TENM3: variants seen among roughly 807,000 people sequenced by gnomAD.
TENM3 encodes teneurin-3.
In TENM3, 63 loss-of-function variants were observed where a neutral mutation model predicts 255.1. The ratio of observed to expected loss-of-function variants is 0.25; its 90% CI spans 0.20 to 0.30. TENM3 has a LOEUF of 0.30. Among genes scored for constraint, TENM3 ranks in the 10% least tolerant of loss-of-function variants. The pLI, the probability that TENM3 is intolerant of heterozygous loss-of-function variation, is 1.00. For synonymous variants in TENM3, 1,306 were observed against 1,322.3 expected (o/e 0.99, Z 0.27); for missense variants, 2,929 against 3,461.1 (o/e 0.85, Z 3.86).
rs116483614 is a variant in TENM3 at position 182,550,395 on chromosome 4, A to G, written c.512-50529A>G. 2.7e-3 allele frequency among the ~76,000 whole-genome samples: 416 copies of G among 152,308 alleles called. 1 individual carries two copies. The highest frequency in any genetic ancestry group is 9.5e-3 in the African/African-American group (396 of 41,572). ...TTCACTGTATATCTCTCTGTTTACT[A>G]AGACTTAACACTAGGGTCACAGATC... On this transcript the variant is annotated intron_variant, in intron 3 of 27. Transcript: ENST00000511685.
At chr4:182,009,280 G>A in the TENM3 span, among the ~76,000 whole-genome samples, 5 of 152,162 alleles carry the variant, frequency 3.3e-5, no homozygotes, top group African/African-American at 7.2e-5. Flanking sequence ...AGTGTGTTTC[G>A]CTGGAGGGAA....
the TENM3 span, among the ~76,000 whole-genome samples, chr4:181,486,439 A>G: frequency 6.6e-6 from 1 of 152,236 alleles, no homozygotes; most frequent in East Asian, 1.9e-4. Flanking sequence ...AGCTGTGAAG[A>G]ATATGGCTCA....
At chr4:182,065,331 G>A in the TENM3 span, among the ~76,000 whole-genome samples, 5 of 152,174 alleles carry the variant, frequency 3.3e-5, no homozygotes, top group South Asian at 4.2e-4. Context: ...CACCAAGCCC[G>A]GCAAAACCGG....
chr4:182,413,738 A>G (rs1327719491), intron 3 of TENM3, among the ~76,000 whole-genome samples: 1 of 152,230 alleles, frequency 6.6e-6, no homozygotes, highest in Non-Finnish European at 1.5e-5. Context: ...ATAAGTGCCA[A>G]CCTAGATTTC....
chr4:181,808,934 G>A, the TENM3 span, among the ~76,000 whole-genome samples: 2 of 152,148 alleles, frequency 1.3e-5, no homozygotes, highest in Admixed American at 1.3e-4. Context: ...TTAACAATTG[G>A]ACAAGGAAGT....
chr4:181,904,999 C>T, the TENM3 span, among the ~76,000 whole-genome samples: 4 of 152,186 alleles, frequency 2.6e-5, no homozygotes, highest in Admixed American at 2.6e-4. Flanking sequence ...CTTGCTCCTC[C>T]CTTACCTTCT....
chr4:182,221,578 A>C (rs1388508289), intron 1 of TENM3, among the ~76,000 whole-genome samples: 1 of 152,226 alleles, frequency 6.6e-6, no homozygotes, highest in Non-Finnish European at 1.5e-5. Flanking sequence ...TGTATAATTA[A>C]CTAATACATG....
intron 18 of TENM3, among the ~76,000 whole-genome samples, chr4:182,740,969 G>A (rs529106711): frequency 6.1e-4 from 93 of 152,222 alleles, no homozygotes; most frequent in African/African-American, 2.2e-3. Flanking sequence ...TTGAGATCAG[G>A]AGTTCCAGAC....
chr4:182,096,621 G>T, the TENM3 span, among the ~76,000 whole-genome samples: 1 of 152,124 alleles, frequency 6.6e-6, no homozygotes, highest in Non-Finnish European at 1.5e-5. Context: ...TTACCATCCT[G>T]CCAAAAATCA....
chr4:182,555,475 TTATTTG>T (rs1458729983), intron 3 of TENM3, among the ~76,000 whole-genome samples: 1 of 152,140 alleles, frequency 6.6e-6, no homozygotes, highest in African/African-American at 2.4e-5. Flanking sequence ...AACAAAAAGA[TTATTTG>T]TATGGTTTGG....
At chr4:182,213,269 C>T (rs1755177031) in intron 1 of TENM3, among the ~76,000 whole-genome samples, 1 of 152,106 alleles carries the variant, frequency 6.6e-6, no homozygotes, top group Non-Finnish European at 1.5e-5. Context: ...ACCTATGAGT[C>T]AGTTCAAATG....
chr4:181,479,109 T>C, the TENM3 span, among the ~76,000 whole-genome samples: 1 of 152,202 alleles, frequency 6.6e-6, no homozygotes, highest in African/African-American at 2.4e-5. Flanking sequence ...TAATGCACTT[T>C]GCTAAAGTCA....
intron 3 of TENM3, among the ~76,000 whole-genome samples, chr4:182,358,632 G>C (rs1221638466): frequency 6.6e-6 from 1 of 151,478 alleles, no homozygotes; most frequent in Non-Finnish European, 1.5e-5. Flanking sequence ...AGACAATGGG[G>C]TTTTCTAGAT....
intron 3 of TENM3, among the ~76,000 whole-genome samples, chr4:182,389,691 C>CTTTTTTTTTTT (rs3072378): frequency 3.8e-5 from 5 of 133,200 alleles, no homozygotes; most frequent in Admixed American, 7.8e-5. Context: ...GTAGATGACT[C>CTTTTTTTTTTT]TTTTTTTTTT....
At chr4:181,924,118 T>G in the TENM3 span, among the ~76,000 whole-genome samples, 6 of 152,118 alleles carry the variant, frequency 3.9e-5, no homozygotes, top group Admixed American at 1.3e-4. Context: ...ATGTCAAGTC[T>G]CTCTCTGGGA....
At chr4:181,935,972 C>T in the TENM3 span, among the ~76,000 whole-genome samples, 1 of 152,112 alleles carries the variant, frequency 6.6e-6, no homozygotes, top group Non-Finnish European at 1.5e-5. Context: ...TCTTCATATC[C>T]TTGTTCATAT....
intron 3 of TENM3, among the ~76,000 whole-genome samples, chr4:182,475,141 A>T (rs2151477426): frequency 6.6e-6 from 1 of 152,126 alleles, no homozygotes; most frequent in South Asian, 2.1e-4. Flanking sequence ...GAAATTCCTC[A>T]CTATTTCTGG....
the TENM3 span, among the ~76,000 whole-genome samples, chr4:181,909,170 T>G: frequency 6.6e-6 from 1 of 152,208 alleles, no homozygotes; most frequent in African/African-American, 2.4e-5. Context: ...TTCCCACTTG[T>G]GTATCTTCAC....
the TENM3 span, among the ~76,000 whole-genome samples, chr4:181,666,152 A>G: frequency 2.6e-5 from 4 of 152,194 alleles, no homozygotes; most frequent in South Asian, 4.1e-4. Flanking sequence ...ACATACGCAA[A>G]TTAAGTAAAG....
Sources: allele counts gnomAD v4.1 joint callset (sites outside exome capture counted in the v4.1 genomes callset), GRCh38; gene constraint gnomAD v4.1.1; transcripts MANE v1.5; gene names NCBI Gene and HGNC (gene_info 2026-07-23, HGNC 2026-07-21).